DACH1: variants seen among roughly 807,000 people sequenced by gnomAD.
DACH1 encodes the protein dachshund family transcription factor 1.
DACH1 carries 12 observed loss-of-function variants against 54.2 expected under a neutral mutation model. The observed-to-expected ratio is 0.22, with a 90% CI of 0.14 to 0.36. The LOEUF is 0.36. Among genes scored for constraint, DACH1 ranks in the 10% least tolerant of loss-of-function variants. The probability of loss-of-function intolerance (pLI) is 1.00; values close to 1 mark genes in which losing one functional copy is unlikely to be tolerated. For synonymous variants in DACH1, 386 were observed against 366.2 expected (o/e 1.05, Z -0.62); for missense variants, 805 against 929.8 (o/e 0.87, Z 1.75).
At chr13:71,546,919 G>A (rs1883501107) in intron 6 of DACH1, among the ~76,000 whole-genome samples, 1 of 151,978 alleles carries the variant, frequency 6.6e-6, no homozygotes, top group Admixed American at 6.6e-5. Context: ...GATTACTTCA[G>A]TTATTAGTTG....
chr13:71,753,348 G>C (rs1246729245), intron 1 of DACH1, among the ~76,000 whole-genome samples: 1 of 152,102 alleles, frequency 6.6e-6, no homozygotes, highest in Non-Finnish European at 1.5e-5. Context: ...TACAGATGAG[G>C]TACATTTCTT....
intron 2 of DACH1, among the ~76,000 whole-genome samples, chr13:71,656,921 C>CATACATAT (rs1555307077): frequency 3.6e-5 from 3 of 83,424 alleles, no homozygotes; most frequent in African/African-American, 1.3e-4. Context: ...GTTCTTCTTT[C>CATACATAT]ATATATATAT....
chr13:71,618,696 T>C (rs959800061), intron 3 of DACH1, among the ~76,000 whole-genome samples: 4 of 151,864 alleles, frequency 2.6e-5, no homozygotes, highest in African/African-American at 9.7e-5. Context: ...AAATAATGTA[T>C]AAATGACTGC....
At chr13:71,704,349 A>G in intron 1 of DACH1, 1 of 429,560 alleles carries the variant, frequency 2.3e-6, no homozygotes, top group Non-Finnish European at 4.5e-6. Flanking sequence ...AGGTGTTACC[A>G]TGGCAAAACT....
At chr13:71,517,908 C>A (rs1881282182) in intron 6 of DACH1, among the ~76,000 whole-genome samples, 1 of 151,850 alleles carries the variant, frequency 6.6e-6, no homozygotes, top group Admixed American at 6.6e-5. Flanking sequence ...ATAATTCATT[C>A]TATTTTGATT....
chr13:71,748,960 CTTTCTCTCTCTCTCTT>C (rs1884797230), intron 1 of DACH1, among the ~76,000 whole-genome samples: 4 of 28,464 alleles, frequency 1.4e-4, no homozygotes, highest in Non-Finnish European at 7.5e-4. Context: ...TTCTCTCTTT[CTTTCTCTCTCTCTCTT>C]TCTTCTTTCC....
At chr13:71,704,446 C>A (rs542251930) in intron 1 of DACH1, 2 of 375,662 alleles carry the variant, frequency 5.3e-6, no homozygotes, top group East Asian at 7.0e-5. Context: ...AATTAATGTG[C>A]GTACTGAGTA....
chr13:71,818,548 G>C (rs1374852691), intron 1 of DACH1, among the ~76,000 whole-genome samples: 2 of 152,110 alleles, frequency 1.3e-5, no homozygotes, highest in Non-Finnish European at 2.9e-5. Context: ...TCATCTCCGG[G>C]GCTGTGACCC....
Position 71,559,935 on chromosome 13 carries a change from G to A in DACH1, c.1320C>T (p.Pro440=). ...SVIKERVPDS[P]SPAPSLEEGR... Reference sequence around the variant, plus strand: ...CCTCCTCCAGAGAGGGGGCAGGTGAGGGGCTATCAGGAACACGCTCCTGCA... The same window carrying A: ...CCTCCTCCAGAGAGGGGGCAGGTGAAGGGCTATCAGGAACACGCTCCTGCA... Residue 440 remains proline, a synonymous_variant, in exon 5 of 11, where the codon CCC becomes CCT. Transcript: ENST00000613252. 6.3e-7 allele frequency: 1 copy of A among 1,589,214 alleles called. No homozygotes were observed. Among genetic ancestry groups the A allele is most frequent in the Non-Finnish European group, 8.6e-7 (1 of 1,168,762 alleles).
intron 6 of DACH1, among the ~76,000 whole-genome samples, chr13:71,527,645 GC>G (rs1882089867): frequency 6.6e-6 from 1 of 152,146 alleles, no homozygotes; most frequent in South Asian, 2.1e-4. Context: ...TTGCCACTGG[GC>G]CCTCATAAAT....
chr13:71,552,830 TATATATATATATAGAGAGAGAGAG>T (rs1883942903), intron 6 of DACH1, among the ~76,000 whole-genome samples: 2 of 42,844 alleles, frequency 4.7e-5, no homozygotes, highest in African/African-American at 1.0e-4. Context: ...TATATATATA[TATATATATATATAGAGAGAGAGAG>T]AGAGAGAGAG....
intron 1 of DACH1, among the ~76,000 whole-genome samples, chr13:71,860,579 C>T (rs1007637205): frequency 6.6e-6 from 1 of 151,296 alleles, no homozygotes; most frequent in African/African-American, 2.4e-5. Flanking sequence ...TTAATGAAAT[C>T]TAGATGACTC....
chr13:71,709,485 C>T (rs559986551), intron 1 of DACH1, among the ~76,000 whole-genome samples: 16 of 151,526 alleles, frequency 1.1e-4, no homozygotes, highest in Admixed American at 5.3e-4. Flanking sequence ...AGTATACAGG[C>T]CATGTATACC....
At chr13:71,593,601 A>C (rs1454506042) in intron 3 of DACH1, among the ~76,000 whole-genome samples, 1 of 152,130 alleles carries the variant, frequency 6.6e-6, no homozygotes, top group Non-Finnish European at 1.5e-5. Flanking sequence ...AAAATGTCAA[A>C]TGAATGTTAT....
chr13:71,799,645 G>A (rs1887208456), intron 1 of DACH1, among the ~76,000 whole-genome samples: 2 of 152,054 alleles, frequency 1.3e-5, no homozygotes, highest in African/African-American at 2.4e-5. Flanking sequence ...CACCCTGACT[G>A]GCATTTCTAT....
At chr13:71,803,121 A>G (rs1269873890) in intron 1 of DACH1, among the ~76,000 whole-genome samples, 1 of 152,190 alleles carries the variant, frequency 6.6e-6, no homozygotes, top group Non-Finnish European at 1.5e-5. Context: ...ACAAAGGCAC[A>G]TCAATAAAAA....
Position 71,681,822 on chromosome 13 carries a change from T to A in DACH1, c.937A>T (p.Met313Leu). 1 of 1,613,820 alleles carries A rather than the reference T, an allele frequency of 6.2e-7. No homozygotes were observed. The highest frequency in any genetic ancestry group is 1.1e-5 in the South Asian group (1 of 91,040). Residue 313 changes from methionine to leucine, a missense_variant, in exon 2 of 11, where the codon ATG (methionine) becomes TTG (leucine). By Grantham distance (15) the Met-to-Leu change is conservative. Coordinates refer to ENST00000613252, the MANE Select transcript of DACH1 (RefSeq NM_080759.6). ...HIMPHSVPGL[M>L]SPGIIPPTGL... The stretch of plus-strand genomic sequence containing the variant: ...GTTGGTGGAATTATCCCAGGAGACA[T>A]GAGACCAGGGACAGAATGCGGCATG...
chr13:71,857,462 G>A (rs916225216), intron 1 of DACH1, among the ~76,000 whole-genome samples: 11 of 136,816 alleles, frequency 8.0e-5, no homozygotes, highest in African/African-American at 1.2e-4. Context: ...TTATGTTTGC[G>A]TGTGTGTGTG....
At chr13:71,443,938 C>T (rs570619158) in intron 10 of DACH1, among the ~76,000 whole-genome samples, 29 of 152,026 alleles carry the variant, frequency 1.9e-4, no homozygotes, top group Non-Finnish European at 2.4e-4. Flanking sequence ...TTATTGTTTT[C>T]GTATGGAATA....
Sources: gnomAD v4.1 joint callset for allele counts (sites outside exome capture counted in the v4.1 genomes callset) on GRCh38, gnomAD v4.1.1 for gene constraint, MANE v1.5 for transcripts, NCBI Gene and HGNC (gene_info 2026-07-23, HGNC 2026-07-21) for gene names.